Variants in KIAA1217 observed in about 807,000 individuals in gnomAD.
The protein encoded by KIAA1217 is KIAA1217.
A neutral mutation model predicts 163.9 loss-of-function variants in KIAA1217; 88 were observed. That is an observed-to-expected ratio of 0.54 (90% confidence interval 0.45 to 0.64). The LOEUF (loss-of-function observed/expected upper bound fraction) is 0.64, where lower values mean the gene tolerates loss of function less well. Ranked by LOEUF, KIAA1217 falls within the 30% of genes least tolerant of loss-of-function variation. The pLI, the probability that KIAA1217 is intolerant of heterozygous loss-of-function variation, is 0.00. For missense variants in KIAA1217, 2,372 were observed against 2,475.0 expected, an observed-to-expected ratio of 0.96 and a Z score of 0.88; for synonymous variants, 903 against 923.1, an observed-to-expected ratio of 0.98 and a Z score of 0.39.
At chr10:24,368,718 T>A (rs568209985) in intron 2 of KIAA1217, 214 of 241,176 alleles carry the variant, frequency 8.9e-4, no homozygotes, top group Non-Finnish European at 1.2e-3. Flanking sequence ...GCATGGTGGA[T>A]CCATTAAAGG....
chr10:24,094,931 G>A (rs565699560), intron 2 of KIAA1217, among the ~76,000 whole-genome samples: 1 of 152,304 alleles, frequency 6.6e-6, no homozygotes, highest in Admixed American at 6.5e-5. Context: ...AGCAAGCCTA[G>A]GCAATGGTGG....
At chr10:24,404,254 C>G (rs576246643) in intron 3 of KIAA1217, among the ~76,000 whole-genome samples, 5 of 152,270 alleles carry the variant, frequency 3.3e-5, no homozygotes, top group Admixed American at 3.3e-4. Flanking sequence ...GCCACTGAGC[C>G]CACCCCTACA....
At chr10:23,791,625 G>T (rs1225490895) in intron 1 of KIAA1217, among the ~76,000 whole-genome samples, 1 of 152,162 alleles carries the variant, frequency 6.6e-6, no homozygotes, top group East Asian at 1.9e-4. Context: ...TTGTGTAAAA[G>T]AAAATGAAAG....
At chr10:23,861,050 C>T (rs1269036369) in intron 1 of KIAA1217, among the ~76,000 whole-genome samples, 1 of 151,888 alleles carries the variant, frequency 6.6e-6, no homozygotes, top group African/African-American at 2.4e-5. Flanking sequence ...GTAATTGGAA[C>T]TACAAGCACA....
At chr10:24,299,912 C>G (rs220369) in intron 2 of KIAA1217, among the ~76,000 whole-genome samples, 110,414 of 152,048 alleles carry the variant, frequency 0.73, 44,217 homozygotes, top group Non-Finnish European at 0.89. Flanking sequence ...TCCCTTTAGA[C>G]CCCCAGAAGC....
chr10:23,715,907 GAAAT>G (rs1435703485), intron 1 of KIAA1217, among the ~76,000 whole-genome samples: 1 of 151,996 alleles, frequency 6.6e-6, no homozygotes, highest in African/African-American at 2.4e-5. Flanking sequence ...CTTTAAAAAA[GAAAT>G]AGTTTTCTTT....
intron 1 of KIAA1217, among the ~76,000 whole-genome samples, chr10:23,750,838 A>C (rs756206908): frequency 2.0e-5 from 3 of 152,094 alleles, no homozygotes; most frequent in Non-Finnish European, 4.4e-5. Flanking sequence ...TAATATGGTC[A>C]AGTACTTTCT....
At chr10:24,010,651 A>G (rs1442732188) in intron 2 of KIAA1217, among the ~76,000 whole-genome samples, 1 of 151,596 alleles carries the variant, frequency 6.6e-6, no homozygotes, top group Non-Finnish European at 1.5e-5. Context: ...CAGGGATCAC[A>G]TATGTTCTCG....
intron 2 of KIAA1217, among the ~76,000 whole-genome samples, chr10:24,026,742 A>ATTTTTTTTTTTTTTTTTTTTTTCTTT: frequency 2.9e-5 from 2 of 70,094 alleles, no homozygotes; most frequent in African/African-American, 5.9e-5. Flanking sequence ...TATTTCATTG[A>ATTTTTTTTTTTTTTTTTTTTTTCTTT]TTTTTTTTTT....
At chr10:24,170,766 T>C (rs1368357142) in intron 2 of KIAA1217, among the ~76,000 whole-genome samples, 1 of 152,182 alleles carries the variant, frequency 6.6e-6, no homozygotes, top group Admixed American at 6.5e-5. Flanking sequence ...CCCTATAAAC[T>C]TGAAGAAAAG....
intron 2 of KIAA1217, among the ~76,000 whole-genome samples, chr10:24,243,831 C>T (rs1238716105): frequency 1.3e-5 from 2 of 151,912 alleles, no homozygotes; most frequent in Non-Finnish European, 2.9e-5. Flanking sequence ...TGTATATATA[C>T]ATATAGATCC....
At chr10:23,754,590 T>A (rs1351253098) in intron 1 of KIAA1217, among the ~76,000 whole-genome samples, 1 of 152,236 alleles carries the variant, frequency 6.6e-6, no homozygotes, top group Non-Finnish European at 1.5e-5. Context: ...GGGCAGTGGA[T>A]GCCTAGGCTG....
intron 2 of KIAA1217, among the ~76,000 whole-genome samples, chr10:24,310,473 C>T (rs1695373533): frequency 1.3e-5 from 2 of 152,138 alleles, no homozygotes; most frequent in South Asian, 4.1e-4. Flanking sequence ...GGGGTAGAAC[C>T]CCAGAGTTTT....
chr10:23,713,975 C>T (rs895068147), intron 1 of KIAA1217, among the ~76,000 whole-genome samples: 14 of 152,220 alleles, frequency 9.2e-5, no homozygotes, highest in Non-Finnish European at 7.4e-5. Flanking sequence ...TTCATAGGCA[C>T]CTCACCTTTA....
At chr10:24,341,440 T>C (rs953279457) in intron 2 of KIAA1217, among the ~76,000 whole-genome samples, 1 of 152,206 alleles carries the variant, frequency 6.6e-6, no homozygotes, top group Admixed American at 6.5e-5. Context: ...TGTTAATCTC[T>C]ATCTGGAGTT....
intron 2 of KIAA1217, among the ~76,000 whole-genome samples, chr10:24,106,438 C>T (rs531063212): frequency 2.4e-4 from 37 of 151,452 alleles, no homozygotes; most frequent in Non-Finnish European, 3.8e-4. Context: ...CATTTTGAAC[C>T]ATAAGGTGAC....
intron 2 of KIAA1217, among the ~76,000 whole-genome samples, chr10:24,104,479 TA>T (rs199689037): frequency 0.011 from 1,697 of 151,822 alleles, 17 homozygotes; most frequent in Non-Finnish European, 0.017. Flanking sequence ...AGGGAGAAAG[TA>T]AAAAAAAGAT....
At chr10:24,413,843 C>T (rs191649995) in intron 3 of KIAA1217, among the ~76,000 whole-genome samples, 23 of 152,324 alleles carry the variant, frequency 1.5e-4, no homozygotes, top group African/African-American at 5.1e-4. Context: ...CACCCCACTG[C>T]TCTCTAGTCC....
intron 2 of KIAA1217, among the ~76,000 whole-genome samples, chr10:24,007,747 A>G (rs923399227): frequency 6.6e-5 from 10 of 152,208 alleles, no homozygotes; most frequent in Admixed American, 6.5e-4. Flanking sequence ...CAAAGGATAG[A>G]GGGAACGGTG....
Sources: allele counts gnomAD v4.1 joint callset (sites outside exome capture counted in the v4.1 genomes callset), GRCh38; gene constraint gnomAD v4.1.1; transcripts MANE v1.5; gene names NCBI Gene and HGNC (gene_info 2026-07-23, HGNC 2026-07-21).